The following DLG2 variants were observed in gnomAD, a reference collection of about 807,000 sequenced individuals.
DLG2 encodes the protein disks large homolog 2.
In DLG2, 45 loss-of-function variants were observed where a neutral mutation model predicts 132.5. The ratio of observed to expected loss-of-function variants is 0.34; its 90% CI spans 0.27 to 0.44. DLG2 has a LOEUF of 0.44. DLG2 is among the 20% of genes least tolerant of loss of function. DLG2 has a pLI of 1.00. For synonymous variants in DLG2, 424 were observed against 419.6 expected, an observed-to-expected ratio of 1.01 and a Z score of -0.13; for missense variants, 1,045 against 1,196.9, an observed-to-expected ratio of 0.87 and a Z score of 1.87.
intron 6 of DLG2, among the ~76,000 whole-genome samples, chr11:84,597,228 A>G (rs1343668956): frequency 6.6e-6 from 1 of 152,126 alleles, no homozygotes; most frequent in South Asian, 2.1e-4. Flanking sequence ...TCAAAAAAAG[A>G]AAAAAGAAAA....
chr11:84,830,964 C>CCA (rs1052082560), intron 6 of DLG2, among the ~76,000 whole-genome samples: 2 of 110,104 alleles, frequency 1.8e-5, no homozygotes, highest in Non-Finnish European at 3.6e-5. Flanking sequence ...CCCCACCCCC[C>CCA]CCAGCTCTGT....
chr11:83,667,015 G>A (rs2075740216), intron 18 of DLG2, among the ~76,000 whole-genome samples: 1 of 152,134 alleles, frequency 6.6e-6, no homozygotes, highest in Non-Finnish European at 1.5e-5. Flanking sequence ...TGGGCAAACT[G>A]CGATATACGG....
intron 18 of DLG2, among the ~76,000 whole-genome samples, chr11:83,649,579 G>C (rs1179898039): frequency 6.6e-6 from 1 of 152,168 alleles, no homozygotes; most frequent in Non-Finnish European, 1.5e-5. Flanking sequence ...TCAAGATTCA[G>C]TTTATGTGCT....
chr11:84,731,699 T>G (rs769661897), intron 6 of DLG2, among the ~76,000 whole-genome samples: 2 of 152,016 alleles, frequency 1.3e-5, no homozygotes, highest in Non-Finnish European at 2.9e-5. Context: ...CTAGTCAGAT[T>G]ATATTTAAAA....
intron 5 of DLG2, among the ~76,000 whole-genome samples, chr11:85,119,741 C>A (rs1344077936): frequency 1.3e-5 from 2 of 151,664 alleles, no homozygotes; most frequent in African/African-American, 4.8e-5. Flanking sequence ...TTTCAGGACC[C>A]CAAAATAAAG....
intron 3 of DLG2, among the ~76,000 whole-genome samples, chr11:85,386,954 G>A (rs1343141951): frequency 6.6e-6 from 1 of 150,382 alleles, no homozygotes; most frequent in East Asian, 2.0e-4. Context: ...GAGTGCAATG[G>A]TGTGCTCTTG....
At chr11:85,496,923 G>C (rs1385469270) in intron 3 of DLG2, among the ~76,000 whole-genome samples, 2 of 152,064 alleles carry the variant, frequency 1.3e-5, no homozygotes, top group Non-Finnish European at 2.9e-5. Context: ...ACAGCCAAAA[G>C]TCATTGACTT....
chr11:84,582,863 A>G (rs2099519918), intron 6 of DLG2, among the ~76,000 whole-genome samples: 1 of 152,208 alleles, frequency 6.6e-6, no homozygotes, highest in African/African-American at 2.4e-5. Context: ...ACACAATCTT[A>G]TCCTTGCAGG....
At chr11:84,730,965 A>C (rs1447307093) in intron 6 of DLG2, among the ~76,000 whole-genome samples, 4 of 152,096 alleles carry the variant, frequency 2.6e-5, no homozygotes. Flanking sequence ...AGCTGCAAGC[A>C]TAATGGTTCA....
At chr11:84,396,865 CTT>C (rs1054772276) in intron 7 of DLG2, among the ~76,000 whole-genome samples, 5 of 152,186 alleles carry the variant, frequency 3.3e-5, no homozygotes, top group Non-Finnish European at 7.3e-5. Flanking sequence ...TCATTCAACT[CTT>C]TTATTTTGTG....
At chr11:84,809,439 A>G (rs963226661) in intron 6 of DLG2, among the ~76,000 whole-genome samples, 5 of 130,960 alleles carry the variant, frequency 3.8e-5, no homozygotes, top group African/African-American at 1.5e-4. Context: ...ATAAAGAAAA[A>G]AAAAATAAAA....
chr11:85,515,464 T>C (rs569961765), intron 3 of DLG2, among the ~76,000 whole-genome samples: 2 of 152,110 alleles, frequency 1.3e-5, no homozygotes, highest in African/African-American at 4.8e-5. Flanking sequence ...ATCATCACTT[T>C]TCATTTTGTA....
At chr11:83,928,148 G>T (rs2079343529) in intron 15 of DLG2, among the ~76,000 whole-genome samples, 2 of 151,986 alleles carry the variant, frequency 1.3e-5, no homozygotes, top group Non-Finnish European at 2.9e-5. Flanking sequence ...AAAAAAAGAA[G>T]GAGAAAGAAG....
At chr11:84,619,968 A>G (rs2099611021) in intron 6 of DLG2, among the ~76,000 whole-genome samples, 1 of 151,776 alleles carries the variant, frequency 6.6e-6, no homozygotes, top group Non-Finnish European at 1.5e-5. Flanking sequence ...AATGCACATG[A>G]AAGAATAAAA....
chr11:84,236,935 GT>G (rs59927214), intron 8 of DLG2, among the ~76,000 whole-genome samples: 13 of 136,856 alleles, frequency 9.5e-5, no homozygotes, highest in East Asian at 2.1e-4. Context: ...TTTTTTTTTT[GT>G]TTTTTTTTTT....
chr11:83,883,502 C>T (rs1205093723), intron 15 of DLG2, among the ~76,000 whole-genome samples: 1 of 152,150 alleles, frequency 6.6e-6, no homozygotes, highest in Non-Finnish European at 1.5e-5. Flanking sequence ...TGTTAGGTAG[C>T]TGAGAGACTC....
At chr11:85,124,542 G>A (rs1275857580) in intron 5 of DLG2, among the ~76,000 whole-genome samples, 2 of 152,176 alleles carry the variant, frequency 1.3e-5, no homozygotes, top group Non-Finnish European at 2.9e-5. Flanking sequence ...AAGGGTCAGA[G>A]AGGATAAAGT....
intron 12 of DLG2, among the ~76,000 whole-genome samples, chr11:83,966,394 T>C (rs1216039090): frequency 1.3e-5 from 2 of 151,994 alleles, no homozygotes; most frequent in Non-Finnish European, 2.9e-5. Flanking sequence ...CCTATTGTCA[T>C]TGTGTTAACA....
intron 8 of DLG2, among the ~76,000 whole-genome samples, chr11:84,211,172 C>T (rs1285308025): frequency 1.3e-5 from 2 of 152,178 alleles, no homozygotes; most frequent in East Asian, 3.9e-4. Context: ...ATAGTCATCT[C>T]AGACTCTCCT....
Sources: allele counts gnomAD v4.1 joint callset (sites outside exome capture counted in the v4.1 genomes callset), GRCh38; gene constraint gnomAD v4.1.1; transcripts MANE v1.5; gene names NCBI Gene and HGNC (gene_info 2026-07-23, HGNC 2026-07-21).